The following TMCO5A variants were observed in gnomAD, a reference collection of about 807,000 sequenced individuals.
TMCO5A encodes transmembrane and coiled-coil domain-containing protein 5A.
A neutral mutation model predicts 42.3 loss-of-function variants in TMCO5A; 34 were observed. The ratio of observed to expected loss-of-function variants is 0.80; its 90% CI spans 0.61 to 1.07. The LOEUF (loss-of-function observed/expected upper bound fraction) is 1.07. TMCO5A is among the 50% of genes least tolerant of loss of function. The pLI is 0.00. For synonymous variants in TMCO5A, 131 were observed against 115.6 expected (o/e 1.13, Z -0.86); for missense variants, 357 against 327.9 (o/e 1.09, Z -0.69).
At chr15:38,009,157 G>C in the TMCO5A span, among the ~76,000 whole-genome samples, 1 of 152,138 alleles carries the variant, frequency 6.6e-6, no homozygotes, top group African/African-American at 2.4e-5. Flanking sequence ...AATCCATTAC[G>C]TATCTTCTCA....
chr15:37,942,722 A>G, intron 9 of TMCO5A: 1 of 159,704 alleles, frequency 6.3e-6, no homozygotes, highest in Admixed American at 6.0e-5. Flanking sequence ...TATAAATCAG[A>G]ACTGTACACT....
At chr15:37,940,943 A>G (rs933337610) in intron 6 of TMCO5A, among the ~76,000 whole-genome samples, 3 of 152,126 alleles carry the variant, frequency 2.0e-5, no homozygotes. Flanking sequence ...CTAGCACCAG[A>G]TGAAGACTAA....
At chr15:37,940,261 C>T (rs955117130) in intron 6 of TMCO5A, among the ~76,000 whole-genome samples, 1 of 152,120 alleles carries the variant, frequency 6.6e-6, no homozygotes, top group East Asian at 1.9e-4. Flanking sequence ...CCACAAGGCC[C>T]TGCACAATCT....
the TMCO5A span, among the ~76,000 whole-genome samples, chr15:37,979,700 C>T: frequency 6.6e-6 from 1 of 152,026 alleles, no homozygotes; most frequent in Non-Finnish European, 1.5e-5. Context: ...AGTCCTTTAT[C>T]TTTTCACATT....
At chr15:37,961,823 T>C (rs761838088) in intron 11 of TMCO5A, among the ~76,000 whole-genome samples, 10 of 152,090 alleles carry the variant, frequency 6.6e-5, no homozygotes, top group Non-Finnish European at 1.2e-4. Context: ...ATTCTTGATT[T>C]CATTCTCCAC....
At chr15:38,007,837 T>A in the TMCO5A span, among the ~76,000 whole-genome samples, 1 of 149,468 alleles carries the variant, frequency 6.7e-6, no homozygotes, top group Non-Finnish European at 1.5e-5. Context: ...TTTTCAATGA[T>A]TGAGGGTTGT....
chr15:37,950,450 T>C (rs1266272859), intron 11 of TMCO5A, among the ~76,000 whole-genome samples: 1 of 152,022 alleles, frequency 6.6e-6, no homozygotes, highest in African/African-American at 2.4e-5. Context: ...ATACACATAA[T>C]GGAAAAGGAT....
intron 10 of TMCO5A, among the ~76,000 whole-genome samples, chr15:37,945,765 T>C (rs980811987): frequency 6.6e-6 from 1 of 152,184 alleles, no homozygotes; most frequent in African/African-American, 2.4e-5. Flanking sequence ...AGACTCTGGG[T>C]ATTAGACATT....
At chr15:38,018,501 G>T in the TMCO5A span, among the ~76,000 whole-genome samples, 14 of 151,998 alleles carry the variant, frequency 9.2e-5, no homozygotes, top group African/African-American at 3.1e-4. Context: ...ATAGTAGAAT[G>T]AAAATAGATT....
chr15:37,978,480 G>T, the TMCO5A span, among the ~76,000 whole-genome samples: 1 of 152,166 alleles, frequency 6.6e-6, no homozygotes, highest in Non-Finnish European at 1.5e-5. Flanking sequence ...GGGGGTGGGG[G>T]CTCACAGGAA....
the TMCO5A span, among the ~76,000 whole-genome samples, chr15:38,025,692 C>T: frequency 3.5e-4 from 53 of 152,280 alleles, no homozygotes; most frequent in East Asian, 9.7e-3. Flanking sequence ...TAAGGTTTGA[C>T]TCTGTGTCCC....
the TMCO5A span, among the ~76,000 whole-genome samples, chr15:38,011,190 G>C: frequency 6.6e-6 from 1 of 152,312 alleles, no homozygotes; most frequent in Middle Eastern, 3.4e-3. Flanking sequence ...TTGGAATCAA[G>C]ATATCGGCAG....
the TMCO5A span, among the ~76,000 whole-genome samples, chr15:37,980,852 T>C: frequency 2.0e-5 from 3 of 152,122 alleles, no homozygotes; most frequent in Non-Finnish European, 4.4e-5. Context: ...TCTAAACCCA[T>C]GAATCTGAAA....
the TMCO5A span, among the ~76,000 whole-genome samples, chr15:37,973,157 C>CT: frequency 0.16 from 22,898 of 139,772 alleles, 2,783 homozygotes; most frequent in African/African-American, 0.34. Flanking sequence ...TCTTTTTTTC[C>CT]TTTTTTTTTT....
chr15:38,017,757 A>G, the TMCO5A span, among the ~76,000 whole-genome samples: 1 of 152,156 alleles, frequency 6.6e-6, no homozygotes, highest in Admixed American at 6.5e-5. Flanking sequence ...GGAGGCCTGC[A>G]GATATGATTT....
chr15:38,002,427 ATCTCTCTCTCTCTT>A, the TMCO5A span, among the ~76,000 whole-genome samples: 4 of 150,898 alleles, frequency 2.7e-5, no homozygotes, highest in East Asian at 2.0e-4. Flanking sequence ...CCACCCTGGT[ATCTCTCTCTCTCTT>A]TCTCTCTCTC....
the TMCO5A span, among the ~76,000 whole-genome samples, chr15:38,015,860 A>G: frequency 6.6e-6 from 1 of 152,228 alleles, no homozygotes; most frequent in Non-Finnish European, 1.5e-5. Flanking sequence ...GAAAAAGCAA[A>G]ACTATGAAGA....
At chr15:37,940,550 AT>A (rs1177748029) in intron 6 of TMCO5A, among the ~76,000 whole-genome samples, 4 of 151,950 alleles carry the variant, frequency 2.6e-5, no homozygotes, top group South Asian at 2.1e-4. Context: ...TTAAACATTA[AT>A]TTTTTTTCCT....
chr15:37,986,209 T>C, the TMCO5A span, among the ~76,000 whole-genome samples: 1 of 152,054 alleles, frequency 6.6e-6, no homozygotes, highest in Non-Finnish European at 1.5e-5. Context: ...ATTCAACAAA[T>C]AGAAATTAAA....
Sources: allele counts gnomAD v4.1 joint callset (sites outside exome capture counted in the v4.1 genomes callset), GRCh38; gene constraint gnomAD v4.1.1; transcripts MANE v1.5; gene names NCBI Gene and HGNC (gene_info 2026-07-23, HGNC 2026-07-21).